Variants in ALDH16A1 observed in about 807,000 individuals in gnomAD.
ALDH16A1 encodes the protein aldehyde dehydrogenase 16 family member A1.
In ALDH16A1, 88 loss-of-function variants were observed where a neutral mutation model predicts 96.1. The ratio of observed to expected loss-of-function variants is 0.92; its 90% CI spans 0.77 to 1.09. The LOEUF is 1.09. ALDH16A1 is among the 50% of genes least tolerant of loss of function. ALDH16A1 has a pLI of 0.00. For synonymous variants in ALDH16A1, 522 were observed against 496.4 expected (o/e 1.05, Z -0.69); for missense variants, 1,250 against 1,112.6 (o/e 1.12, Z -1.76).
Position 49,468,602 on chromosome 19 carries a change from A to G in ALDH16A1, c.2124+36A>G, listed in dbSNP as rs776090904. 168 of 1,595,246 alleles carry G rather than the reference A, an allele frequency of 1.1e-4. No homozygotes were observed. The highest frequency in any genetic ancestry group is 1.4e-4 in the Non-Finnish European group (167 of 1,176,296). On this transcript the variant is annotated intron_variant, in intron 15 of 16. Coordinates refer to ENST00000293350, the MANE Select transcript of ALDH16A1 (RefSeq NM_153329.4). The surrounding 1 kb of genome is among the most constrained non-coding windows in gnomAD (Gnocchi z 4.4). ...CTGCCTTCCTGCCTCTCCTCCCCGT[A>G]GCCTCAGGGCAGCAGAAAAAGGCGC... is the stretch of plus-strand genomic sequence containing the variant.
chr19:49,456,784 T>C (rs1284481954), intron 1 of ALDH16A1, among the ~76,000 whole-genome samples: 4 of 152,176 alleles, frequency 2.6e-5, no homozygotes, highest in African/African-American at 9.7e-5. Context: ...CGTTTGAGTT[T>C]GGAACTTCTA....
chr19:49,456,989 T>G (rs1361020232), intron 1 of ALDH16A1, among the ~76,000 whole-genome samples: 1 of 151,770 alleles, frequency 6.6e-6, no homozygotes, highest in African/African-American at 2.4e-5. Flanking sequence ...CCGCCTGTAA[T>G]CCCAGCTACT....
At position 49,461,616 on chromosome 19, in the gene ALDH16A1, C is replaced by T. The variant is rs748690860; in HGVS notation, c.578-3C>T. On this transcript the variant is annotated splice_region_variant and splice_polypyrimidine_tract_variant and intron_variant, in intron 5 of 16. Transcript: ENST00000293350. ...GGGCCTTTGAGCTGCCCCACTTCCCCAGGCTGCACCGTGGTGGCCCTCGTG... is the reference window on the plus strand; with the variant it reads ...GGGCCTTTGAGCTGCCCCACTTCCCTAGGCTGCACCGTGGTGGCCCTCGTG... The T allele has an allele frequency of 6.3e-7, 1 of 1,574,972 alleles. No individual in the cohort carries two copies. The highest frequency in any genetic ancestry group is 1.1e-5 in the South Asian group (1 of 87,038).
chr19:49,469,050 G>A, intron 16 of ALDH16A1, 64 bp downstream of exon 16: 1 of 1,555,896 alleles, frequency 6.4e-7, no homozygotes. Flanking sequence ...CTCCTTTTCT[G>A]GAAACACAGC....
At chr19:49,458,428 G>C (rs2079117694) in intron 1 of ALDH16A1, 58 bp from the exon 2 acceptor site, 1 of 1,372,502 alleles carries the variant, frequency 7.3e-7, no homozygotes. Flanking sequence ...TCTGGGTAGG[G>C]GTTGAACTGC....
rs1459884918 is a variant in ALDH16A1, at chr19:49,458,396, C to T, written c.91-90C>T. On this transcript the variant is annotated intron_variant, in intron 1 of 16. Coordinates refer to ENST00000293350, the MANE Select transcript of ALDH16A1 (RefSeq NM_153329.4). The stretch of plus-strand genomic sequence containing the variant: ...AATTAGCTGATGGGGCAGAGGGAGA[C>T]AGACGTCCCCTCCTAGAGGATTCTG... 5.1e-6 allele frequency: 5 copies of T among 976,740 alleles called. No homozygotes were observed. The East Asian group carries it at 1.1e-4, about 21-fold the overall frequency. 60.5% of individuals were successfully genotyped at this position (976,740 alleles called of 1,614,324 possible).
intron 12 of ALDH16A1, among the ~76,000 whole-genome samples, chr19:49,465,228 G>A (rs1166706447): frequency 6.6e-6 from 1 of 151,666 alleles, no homozygotes; most frequent in Non-Finnish European, 1.5e-5. Flanking sequence ...AGGAACTTAG[G>A]GTCCTCCAGA....
rs55713893 is a variant in ALDH16A1, at chr19:49,470,648, CT to C, written c.*199del. ...CTTCTGGCAGATATGAGGCTTTTTT[CT>C]TTTTTTTTTTTTTTTTTGAGACAAC... On this transcript the variant is annotated 3_prime_UTR_variant, in exon 17 of 17. Coordinates refer to ENST00000293350, the MANE Select transcript of ALDH16A1 (RefSeq NM_153329.4). 35,247 of 338,312 alleles carry C rather than the reference CT, an allele frequency of 0.1. No individual in the cohort carries two copies. Among genetic ancestry groups the C allele is most frequent in the East Asian group, 0.15 (3,169 of 20,446 alleles). The allele number at this position is 338,312 out of a possible 1,614,324, so 21.0% of individuals were successfully genotyped here.
rs757608462 is a variant in ALDH16A1 at position 49,462,633 on chromosome 19, C to T, written c.976C>T (p.Arg326Trp). 7 of 1,612,638 alleles carry T rather than the reference C, an allele frequency of 4.3e-6. No homozygotes were observed. The highest frequency in any genetic ancestry group is 2.2e-5 in the South Asian group (2 of 91,022). Reference protein sequence around the residue: ...WDEAMRRLQERMGRLRSGRGL... With the variant: ...WDEAMRRLQEWMGRLRSGRGL... ...TGAAGCCATGAGACGGCTGCAGGAG[C>T]GGATGGGGCGGCTTCGGAGTGGCCG... is the stretch of plus-strand genomic sequence containing the variant. The change falls in exon 8 of 17, where the codon CGG becomes TGG. Residue 326 changes from arginine (R) to tryptophan (W), a missense_variant. Physicochemically the swap from Arg to Trp is moderately radical, Grantham distance 101. Coordinates refer to ENST00000293350, the MANE Select transcript of ALDH16A1 (RefSeq NM_153329.4).
chr19:49,468,449 G>A lies in ALDH16A1; in HGVS notation c.2007G>A (p.Pro669=), dbSNP rs1159407147. 1.0e-5 allele frequency: 16 copies of A among 1,601,668 alleles called. No individual in the cohort carries two copies. The highest frequency in any genetic ancestry group is 8.9e-5 in the East Asian group (4 of 44,862). The change falls in exon 15 of 17, where the codon CCG becomes CCA. Residue 669 remains proline, a synonymous_variant. Coordinates refer to ENST00000293350, the MANE Select transcript of ALDH16A1 (RefSeq NM_153329.4). This position sits in a 1 kb window ranked among gnomAD's most constrained non-coding sequence, Gnocchi z 4.4. ...TGGGTGTGCTGGCTGTGGTGTGTCC[G>A]GACGAGTGGCCCCTGCTTGCCTTCG... The part of the protein sequence containing the change: ...EPLGVLAVVC[P]DEWPLLAFVS...
chr19:49,456,002 G>A (rs1266500471), intron 1 of ALDH16A1, among the ~76,000 whole-genome samples: 1 of 152,130 alleles, frequency 6.6e-6, no homozygotes, highest in South Asian at 2.1e-4. Flanking sequence ...CCTGACAAAA[G>A]TCATCTGGGA....
chr19:49,469,063 C>G, intron 16 of ALDH16A1, 77 bp downstream of exon 16: 1 of 1,534,068 alleles, frequency 6.5e-7, no homozygotes, highest in Non-Finnish European at 8.8e-7. Flanking sequence ...AACACAGCCC[C>G]GCCCTCTTAG....
intron 14 of ALDH16A1, among the ~76,000 whole-genome samples, chr19:49,467,085 A>G (rs2079205295): frequency 6.6e-6 from 1 of 151,966 alleles, no homozygotes. Flanking sequence ...TGCCACAATC[A>G]TGGCTCACTG....
At position 49,464,438 on chromosome 19, in the gene ALDH16A1, G is replaced by A; in HGVS notation, c.1353G>A (p.Trp451Ter). ...ACAGGCTCCAGGTGGGCACTGTCTGGATCAACGCCCACGGCCTCAGAGACC... is the reference window on the plus strand; with the variant it reads ...ACAGGCTCCAGGTGGGCACTGTCTGAATCAACGCCCACGGCCTCAGAGACC... The part of the protein sequence containing the change: ...LGYGLQVGTV[W>*]INAHGLRDPS... Residue 451 changes from tryptophan to a stop codon, truncating the protein, a stop_gained, in exon 11 of 17, where the codon TGG (tryptophan) becomes TGA (stop). Coordinates refer to ENST00000293350, the MANE Select transcript of ALDH16A1 (RefSeq NM_153329.4). LOFTEE classifies it high-confidence loss of function. 6.2e-7 allele frequency: 1 copy of A among 1,606,656 alleles called. No homozygotes were observed. The highest frequency in any genetic ancestry group is 8.5e-7 in the Non-Finnish European group (1 of 1,176,992).
At chr19:49,454,844 C>T (rs555080872) in intron 1 of ALDH16A1, among the ~76,000 whole-genome samples, 101 of 152,180 alleles carry the variant, frequency 6.6e-4, no homozygotes, top group Middle Eastern at 3.4e-3. Context: ...TTGGGCCAGG[C>T]GTGGTGGCTC....
chr19:49,470,164 C>T, intron 16 of ALDH16A1, 142 bp from the exon 17 acceptor site: 1 of 998,702 alleles, frequency 1.0e-6, no homozygotes, highest in Admixed American at 2.5e-5. Context: ...GGAAGTTCTG[C>T]TTGGGAGGAG....
chr19:49,453,470 G>C, intron 1 of ALDH16A1, 49 bp downstream of exon 1: 13 of 1,478,542 alleles, frequency 8.8e-6, no homozygotes, highest in Non-Finnish European at 1.2e-5. Flanking sequence ...CCAGGCCTGG[G>C]CGCCCGGTTT....
intron 5 of ALDH16A1, among the ~76,000 whole-genome samples, chr19:49,461,248 G>T (rs1268518318): frequency 1.9e-5 from 1 of 53,160 alleles, no homozygotes; most frequent in Admixed American, 1.5e-4. Context: ...AGGGAGGAGG[G>T]GCTGGGGTCT....
In ALDH16A1 at chr19:49,464,898, C is replaced by A. The variant is rs533370925; in HGVS notation, c.1568+136C>A. On this transcript the variant is annotated intron_variant, in intron 12 of 16. Coordinates refer to ENST00000293350, the MANE Select transcript of ALDH16A1 (RefSeq NM_153329.4). ...AGTCCTGCTGAGTACCACGTTGTGG[C>A]CTCACACTTTCCCTACCCCAGGCCT... is the stretch of plus-strand genomic sequence containing the variant. The A allele has an allele frequency of 5.8e-5, 80 of 1,383,664 alleles. No individual in the cohort carries two copies. In the East Asian group the frequency reaches 1.8e-3, roughly 31 times the overall value. 85.7% of individuals were successfully genotyped at this position (1,383,664 alleles called of 1,614,324 possible). A position where few individuals can be genotyped will look rare whatever the true frequency, so the allele number is the denominator to read the frequency against.
Sources: allele counts gnomAD v4.1 joint callset (sites outside exome capture counted in the v4.1 genomes callset), GRCh38; gene constraint gnomAD v4.1.1; non-coding constraint Gnocchi (gnomAD v3.1); transcripts MANE v1.5; gene names NCBI Gene and HGNC (gene_info 2026-07-23, HGNC 2026-07-21).